The following TET3 variants were observed in gnomAD, a reference collection of about 807,000 sequenced individuals.
TET3 encodes methylcytosine dioxygenase TET3.
A neutral mutation model predicts 141.4 loss-of-function variants in TET3; 19 were observed. The ratio of observed to expected loss-of-function variants is 0.13; its 90% CI spans 0.09 to 0.20. The LOEUF (loss-of-function observed/expected upper bound fraction) is 0.20, where lower values mean the gene tolerates loss of function less well. Among genes scored for constraint, TET3 ranks in the 10% least tolerant of loss-of-function variants. The pLI, the probability that TET3 is intolerant of heterozygous loss-of-function variation, is 1.00. For synonymous variants in TET3, 1,043 were observed against 980.9 expected (o/e 1.06, Z -1.18); for missense variants, 1,874 against 2,356.9 (o/e 0.80, Z 4.24).
At chr2:73,985,383 A>G (rs1185096097) in intron 1 of TET3, among the ~76,000 whole-genome samples, 4 of 142,636 alleles carry the variant, frequency 2.8e-5, no homozygotes, top group Non-Finnish European at 4.6e-5. Flanking sequence ...GGAGTGGCGG[A>G]GGCCCCAGAA....
At chr2:74,029,369 C>T (rs1048535245) in intron 3 of TET3, among the ~76,000 whole-genome samples, 18 of 152,148 alleles carry the variant, frequency 1.2e-4, no homozygotes, top group Admixed American at 1.1e-3. Context: ...ACAGTCAATA[C>T]GTCCCTTGGG....
intron 3 of TET3, among the ~76,000 whole-genome samples, chr2:74,015,830 A>T (rs1685698596): frequency 6.6e-6 from 1 of 152,172 alleles, no homozygotes. Context: ...ACCAACACTG[A>T]GTGAGGAATT....
intron 8 of TET3, among the ~76,000 whole-genome samples, chr2:74,090,415 G>C (rs537205426): frequency 6.6e-6 from 1 of 152,326 alleles, no homozygotes; most frequent in African/African-American, 2.4e-5. Context: ...GGTTTAGCAG[G>C]AAAGGCGGTC....
At chr2:74,017,959 C>G (rs930582283) in intron 3 of TET3, among the ~76,000 whole-genome samples, 1 of 139,154 alleles carries the variant, frequency 7.2e-6, no homozygotes, top group African/African-American at 2.7e-5. Context: ...CCTCTTCTGT[C>G]TCTTTTTTTT....
intron 5 of TET3, 24 bp downstream of exon 5, chr2:74,073,663 G>A (rs757750523): frequency 1.9e-6 from 3 of 1,568,166 alleles, no homozygotes; most frequent in African/African-American, 1.4e-5. Context: ...AGATGTCCAA[G>A]GAGAAATGGA....
the TET3 span, among the ~76,000 whole-genome samples, chr2:74,133,436 T>G: frequency 8.5e-5 from 13 of 152,224 alleles, no homozygotes; most frequent in African/African-American, 3.1e-4. Context: ...GGATGCCAGC[T>G]GGGGCTGCAA....
At position 74,046,667 on chromosome 2, in the gene TET3, C is replaced by T. The variant is rs1687639037; in HGVS notation, c.750C>T (p.Ser250=). 1.2e-6 allele frequency: 2 copies of T among 1,614,032 alleles called. No individual in the cohort carries two copies. Among genetic ancestry groups the T allele is most frequent in the Non-Finnish European group, 8.5e-7 (1 of 1,179,882 alleles). Residue 250 remains serine (S), a synonymous_variant, in exon 4 of 12, where the codon AGC becomes AGT. Transcript: ENST00000409262. The surrounding 1 kb of genome is among the most constrained non-coding windows in gnomAD (Gnocchi z 4.3). ...RPGPEGCSAG[S]EDLDTLQTAL... ...GGCCTGAGGGCTGCTCTGCTGGCAG[C>T]GAAGACCTTGACACACTGCAGACGG...
chr2:74,017,595 A>G (rs1685798874), intron 3 of TET3, among the ~76,000 whole-genome samples: 1 of 152,048 alleles, frequency 6.6e-6, no homozygotes, highest in Non-Finnish European at 1.5e-5. Context: ...TTAATTGCTA[A>G]CTAGTATTCC....
chr2:74,110,210 G>A (rs1041087577), downstream of TET3, among the ~76,000 whole-genome samples: 16 of 152,024 alleles, frequency 1.1e-4, no homozygotes, highest in African/African-American at 2.9e-4. Flanking sequence ...TCAAGTCTGC[G>A]TGCAATTTTT....
intron 5 of TET3, chr2:74,073,944 G>T (rs1013013686): frequency 9.6e-6 from 2 of 208,616 alleles, no homozygotes; most frequent in Non-Finnish European, 1.9e-5. Context: ...TAGCTTTCCC[G>T]TGGTATTGTG....
chr2:74,067,430 T>A (rs1422898433), intron 4 of TET3, among the ~76,000 whole-genome samples: 1 of 152,182 alleles, frequency 6.6e-6, no homozygotes, highest in Non-Finnish European at 1.5e-5. Flanking sequence ...AATACTGTGC[T>A]AAGCCCTTTG....
intron 6 of TET3, among the ~76,000 whole-genome samples, chr2:74,086,153 C>A (rs1009991783): frequency 6.6e-6 from 1 of 152,232 alleles, no homozygotes; most frequent in East Asian, 1.9e-4. Flanking sequence ...GGAGCCCTTC[C>A]CAGTCTACCC....
intron 2 of TET3, among the ~76,000 whole-genome samples, chr2:73,991,099 G>A (rs993369109): frequency 1.3e-5 from 2 of 151,770 alleles, no homozygotes; most frequent in African/African-American, 2.4e-5. Flanking sequence ...GTGAGTCACC[G>A]TGCCCGGCCC....
intron 4 of TET3, among the ~76,000 whole-genome samples, chr2:74,048,804 T>G (rs1285485153): frequency 6.6e-6 from 1 of 152,150 alleles, no homozygotes; most frequent in African/African-American, 2.4e-5. Context: ...TGGACTATTC[T>G]TGGTTCAGGC....
At chr2:74,130,335 G>A in the TET3 span, among the ~76,000 whole-genome samples, 1 of 152,204 alleles carries the variant, frequency 6.6e-6, no homozygotes, top group Non-Finnish European at 1.5e-5. Flanking sequence ...AATGAGGTCA[G>A]CTTCCTGGAA....
chr2:74,113,025 A>C (rs147942166), downstream of TET3, among the ~76,000 whole-genome samples: 31,028 of 137,384 alleles, frequency 0.23, 4,648 homozygotes, highest in East Asian at 0.48. Context: ...AAAAAAAAAA[A>C]AAAAAAAAAA....
downstream of TET3, among the ~76,000 whole-genome samples, chr2:74,111,997 A>G (rs1691715334): frequency 6.6e-6 from 1 of 152,186 alleles, no homozygotes; most frequent in South Asian, 2.1e-4. Context: ...CATCTTCAAC[A>G]GGTATTGTTA....
In TET3 at chr2:74,100,406, G is replaced by A. The variant is rs748222630; in HGVS notation, c.3618G>A (p.Lys1206=). The A allele has an allele frequency of 1.9e-6, 3 of 1,563,322 alleles. No homozygotes were observed. Among genetic ancestry groups the A allele is most frequent in the Admixed American group, 3.8e-5 (2 of 52,298 alleles). Residue 1206 remains lysine (K), a synonymous_variant, in exon 12 of 12, where the codon AAG becomes AAA. Coordinates refer to ENST00000409262, the MANE Select transcript of TET3 (RefSeq NM_001287491.2). ...CTGTTTCCCCAGGCCTGTCTCTGAA[G>A]GGTGGATTGTCCCAGCAAGGCCTGA... ...GITSDPGLSL[K]GGLSQQGLKP... is the part of the protein sequence containing the mutation.
In TET3 at chr2:74,103,768, TCATGCTAGC is replaced by T. The variant is rs1490407126; in HGVS notation, c.*1597_*1605del. 1 of 153,762 alleles carries T rather than the reference TCATGCTAGC, an allele frequency of 6.5e-6. No individual in the cohort carries two copies. The highest frequency in any genetic ancestry group is 1.5e-5 in the Non-Finnish European group (1 of 68,052). The allele number at this position is 153,762 out of a possible 1,614,324, so 9.5% of individuals were successfully genotyped here. A position where few individuals can be genotyped will look rare whatever the true frequency, so the allele number is the denominator to read the frequency against. ...TCTTGTGATATTAGCAGAAATGATC[TCATGCTAGC>T]CATGTGGATGTGTGTGTGGTGAATG... On this transcript the variant is annotated 3_prime_UTR_variant, in exon 12 of 12. Transcript: ENST00000409262.
Sources: gnomAD v4.1 joint callset for allele counts (sites outside exome capture counted in the v4.1 genomes callset) on GRCh38, gnomAD v4.1.1 for gene constraint, Gnocchi (gnomAD v3.1) non-coding constraint, MANE v1.5 for transcripts, NCBI Gene and HGNC (gene_info 2026-07-23, HGNC 2026-07-21) for gene names.